Variants in PAK1 observed in about 807,000 individuals in gnomAD.
The protein encoded by PAK1 is serine/threonine-protein kinase PAK 1.
A neutral mutation model predicts 67.4 loss-of-function variants in PAK1; 29 were observed. The ratio of observed to expected loss-of-function variants is 0.43; its 90% CI spans 0.32 to 0.59. The LOEUF is 0.59. Ranked by LOEUF, PAK1 falls within the 20% of genes least tolerant of loss-of-function variation. The pLI is 0.07. For missense variants in PAK1, 337 were observed against 670.7 expected (o/e 0.50, Z 5.50); for synonymous variants, 223 against 237.4 (o/e 0.94, Z 0.56).
At chr11:77,349,504 G>C (rs1944934788) in intron 8 of PAK1, 1 of 550,750 alleles carries the variant, frequency 1.8e-6, no homozygotes, top group Non-Finnish European at 3.3e-6. Flanking sequence ...ATTCCAACCT[G>C]GTACTTCTAC....
At chr11:77,366,230 G>A (rs1028625754) in intron 5 of PAK1, among the ~76,000 whole-genome samples, 1 of 152,160 alleles carries the variant, frequency 6.6e-6, no homozygotes, top group African/African-American at 2.4e-5. Context: ...AGACTGAAAC[G>A]AAGTAATACC....
intron 1 of PAK1, among the ~76,000 whole-genome samples, chr11:77,463,166 A>C (rs1017067700): frequency 2.8e-4 from 43 of 152,260 alleles, no homozygotes; most frequent in African/African-American, 1.0e-3. Flanking sequence ...CATGTAAGCA[A>C]ATAATGATAT....
At chr11:77,348,290 C>T (rs1406374910) in intron 9 of PAK1, among the ~76,000 whole-genome samples, 1 of 152,162 alleles carries the variant, frequency 6.6e-6, no homozygotes, top group Non-Finnish European at 1.5e-5. Context: ...GGGGCAGCTG[C>T]CATCCACAGT....
At chr11:77,479,102 A>T (rs924025134), upstream of PAK1, among the ~76,000 whole-genome samples, 8 of 151,570 alleles carry the variant, frequency 5.3e-5, no homozygotes, top group East Asian at 1.6e-3. Context: ...AAAAAAAAAA[A>T]GTTAAGATCT....
the PAK1 span, among the ~76,000 whole-genome samples, chr11:77,503,352 TG>T: frequency 6.6e-6 from 1 of 152,168 alleles, no homozygotes; most frequent in Non-Finnish European, 1.5e-5. Flanking sequence ...CAGGAGGTGG[TG>T]GCCTCCCCAT....
chr11:77,512,812 G>A, the PAK1 span, among the ~76,000 whole-genome samples: 1 of 152,308 alleles, frequency 6.6e-6, no homozygotes, highest in African/African-American at 2.4e-5. Flanking sequence ...AAGGTTCCCA[G>A]GCCAGGCGTG....
chr11:77,387,238 A>C (rs946639393), intron 2 of PAK1, among the ~76,000 whole-genome samples: 1 of 151,010 alleles, frequency 6.6e-6, no homozygotes, highest in African/African-American at 2.4e-5. Flanking sequence ...ACAACCGGCT[A>C]ATTTCTGTAT....
chr11:77,352,801 G>T (rs554630967), intron 8 of PAK1, among the ~76,000 whole-genome samples: 1 of 152,202 alleles, frequency 6.6e-6, no homozygotes, highest in South Asian at 2.1e-4. Context: ...CAGGCTTGTA[G>T]CCTAGGAGCA....
intron 1 of PAK1, among the ~76,000 whole-genome samples, chr11:77,424,120 CT>C (rs1173873465): frequency 6.6e-6 from 1 of 152,198 alleles, no homozygotes; most frequent in Admixed American, 6.5e-5. Flanking sequence ...TCATTACATG[CT>C]AGAATGGGTA....
At chr11:77,459,506 T>A (rs1257033836) in intron 1 of PAK1, among the ~76,000 whole-genome samples, 1 of 152,178 alleles carries the variant, frequency 6.6e-6, no homozygotes, top group East Asian at 1.9e-4. Flanking sequence ...CCTCACTGTG[T>A]TCCAAGCATT....
At chr11:77,453,368 A>T (rs531290581) in intron 1 of PAK1, among the ~76,000 whole-genome samples, 34 of 151,936 alleles carry the variant, frequency 2.2e-4, no homozygotes, top group East Asian at 1.2e-3. Context: ...AAAAAAAAAA[A>T]TTTTTTTGGA....
At chr11:77,369,636 T>G (rs1331988712) in intron 5 of PAK1, among the ~76,000 whole-genome samples, 2 of 151,662 alleles carry the variant, frequency 1.3e-5, no homozygotes, top group Admixed American at 6.6e-5. Context: ...TTAGTAGAGA[T>G]GGGGTTTCAC....
chr11:77,414,640 G>T lies in PAK1; in HGVS notation c.-21-22099C>A, dbSNP rs1592384851. Among the ~76,000 whole-genome samples, 3 of 152,188 alleles carry T rather than the reference G, an allele frequency of 2.0e-5. No homozygotes were observed. In the East Asian group the frequency reaches 5.8e-4, roughly 29 times the overall value. On this transcript the variant is annotated intron_variant, in intron 1 of 14. Transcript: ENST00000356341. ...TGTAAAAGAGAAAAGGAAATTCAATGAAGAAAGGACAGTCTTTTCAATAAA... is the reference window on the plus strand; with the variant it reads ...TGTAAAAGAGAAAAGGAAATTCAATTAAGAAAGGACAGTCTTTTCAATAAA...
intron 14 of PAK1, among the ~76,000 whole-genome samples, chr11:77,326,761 C>A (rs995002943): frequency 1.3e-5 from 2 of 152,126 alleles, no homozygotes; most frequent in Non-Finnish European, 2.9e-5. Flanking sequence ...CAGCTCCTCA[C>A]CAGCAACGGA....
intron 2 of PAK1, among the ~76,000 whole-genome samples, chr11:77,389,584 T>C (rs1950879891): frequency 6.6e-6 from 1 of 152,260 alleles, no homozygotes; most frequent in Admixed American, 6.5e-5. Flanking sequence ...CATTGTGGTT[T>C]TGATTTGCAT....
chr11:77,396,445 CATAGACT>C (rs1187466556), intron 1 of PAK1, among the ~76,000 whole-genome samples: 3 of 152,220 alleles, frequency 2.0e-5, no homozygotes, highest in African/African-American at 7.2e-5. Flanking sequence ...CCCTGCTAGA[CATAGACT>C]ATAAACACCT....
intron 1 of PAK1, among the ~76,000 whole-genome samples, chr11:77,465,635 C>A (rs1957561340): frequency 6.6e-6 from 1 of 151,928 alleles, no homozygotes; most frequent in Non-Finnish European, 1.5e-5. Flanking sequence ...GAGATAATTC[C>A]ATATGAGAAA....
intron 14 of PAK1, among the ~76,000 whole-genome samples, chr11:77,326,001 A>ATGCCC (rs552684906): frequency 2.0e-5 from 3 of 152,160 alleles, no homozygotes; most frequent in East Asian, 3.8e-4. Flanking sequence ...ACAGGGCAGT[A>ATGCCC]TGCCCTGCCC....
chr11:77,480,296 A>G, the PAK1 span, among the ~76,000 whole-genome samples: 4 of 152,058 alleles, frequency 2.6e-5, no homozygotes, highest in Admixed American at 2.6e-4. Flanking sequence ...TTTTTTTTTA[A>G]AAAAAGTATA....
Sources: gnomAD v4.1 joint callset for allele counts (sites outside exome capture counted in the v4.1 genomes callset) on GRCh38, gnomAD v4.1.1 for gene constraint, MANE v1.5 for transcripts, NCBI Gene and HGNC (gene_info 2026-07-23, HGNC 2026-07-21) for gene names.